Variants in TRIM10 observed in about 807,000 individuals in gnomAD.
The protein encoded by TRIM10 is tripartite motif containing 10, also known as tripartite motif-containing protein 10.
Under a neutral mutation model 40.0 loss-of-function variants are expected in TRIM10, and 42 were observed. The ratio of observed to expected loss-of-function variants is 1.05; its 90% CI spans 0.82 to 1.36. The LOEUF (loss-of-function observed/expected upper bound fraction) is 1.36, where lower values mean the gene tolerates loss of function less well. TRIM10 is among the 40% of genes most tolerant of loss of function. The probability of loss-of-function intolerance (pLI) is 0.00; values close to 1 mark genes in which losing one functional copy is unlikely to be tolerated. For synonymous variants in TRIM10, 260 were observed against 239.5 expected (o/e 1.09, Z -0.79); for missense variants, 601 against 608.3 (o/e 0.99, Z 0.13).
At chr6:30,163,997 T>C, upstream of TRIM10, 1 of 1,613,116 alleles carries the variant, frequency 6.2e-7, no homozygotes, top group Non-Finnish European at 8.5e-7. Context: ...CTGTGTGTTC[T>C]GCAGGGAGGG....
Position 30,156,941 on chromosome 6 carries a change from A to G in TRIM10, c.893T>C (p.Leu298Pro), listed in dbSNP as rs200848452. 3.4e-4 allele frequency: 541 copies of G among 1,613,010 alleles called. 7 individuals are homozygous for G. The Admixed American group carries it at 8.8e-3, about 26-fold the overall frequency. ...LPLQREMKMF[L>P]EKLCFELDYE... ...GTGGAGGCCTGGGGTTCTCTTACCC[A>G]GAAACATCTTCATCTCCCTCTGCAG... is the stretch of plus-strand genomic sequence containing the variant. Residue 298 changes from leucine (L) to proline (P), a missense_variant and splice_region_variant, in exon 5 of 7, where the codon CTG becomes CCG. Physicochemically the swap from Leu to Pro is moderately conservative, Grantham distance 98. Transcript: ENST00000449742.
chr6:30,154,662 A>G, intron 6 of TRIM10, 176 bp from the exon 7 acceptor site: 2 of 786,562 alleles, frequency 2.5e-6, no homozygotes, highest in South Asian at 1.5e-5. Context: ...ATACGCTCTC[A>G]GAATCTGCAT....
In TRIM10 at chr6:30,160,850, A is replaced by G; in HGVS notation, c.9T>C (p.Ser3=). 1 of 1,609,044 alleles carries G rather than the reference A, an allele frequency of 6.2e-7. No homozygotes were observed. MA[S]AASVTSLADE... is the part of the protein sequence containing the mutation. ...CTGCCAGGCTGGTCACAGAGGCAGC[A>G]GAGGCCATGCTGGTCCTGCTGCTAT... Residue 3 remains serine, a synonymous_variant, in exon 1 of 7, where the codon TCT becomes TCC. Transcript: ENST00000449742.
At chr6:30,158,334 GC>G (rs1464010430) in intron 3 of TRIM10, 64 bp downstream of exon 3, 11 of 1,397,094 alleles carry the variant, frequency 7.9e-6, no homozygotes, top group Admixed American at 1.7e-5. Flanking sequence ...CATGGCTTAG[GC>G]AAGACAAAGA....
At chr6:30,158,356 A>T in intron 3 of TRIM10, 43 bp downstream of exon 3, 2 of 1,531,290 alleles carry the variant, frequency 1.3e-6, no homozygotes, top group Non-Finnish European at 1.8e-6. Context: ...TGCAAGAGTC[A>T]CAGGACAGCA....
At chr6:30,154,699 A>C (rs891696194) in intron 6 of TRIM10, 2 of 724,494 alleles carry the variant, frequency 2.8e-6, no homozygotes, top group Non-Finnish European at 4.9e-6. Context: ...GGTGATTTGC[A>C]CACAGGTAAA....
At chr6:30,156,296 A>G (rs1305731032) in intron 5 of TRIM10, among the ~76,000 whole-genome samples, 5 of 152,186 alleles carry the variant, frequency 3.3e-5, no homozygotes, top group African/African-American at 9.7e-5. Context: ...CTAGGGTGAC[A>G]TAACTGTGGG....
chr6:30,163,407 T>A, upstream of TRIM10: 1 of 546,314 alleles, frequency 1.8e-6, no homozygotes, highest in East Asian at 3.1e-5. Context: ...ACTGGCTTAC[T>A]TGGCCGCCAC....
chr6:30,154,455 G>A lies in TRIM10; in HGVS notation c.960C>T (p.His320=), dbSNP rs955438881. The A allele has an allele frequency of 4.3e-6, 7 of 1,612,450 alleles. No homozygotes were observed. In the African/African-American group the frequency reaches 6.7e-5, roughly 15 times the overall value. Residue 320 remains histidine (H), a synonymous_variant, in exon 7 of 7, where the codon CAC becomes CAT. Coordinates refer to ENST00000449742, the MANE Select transcript of TRIM10 (RefSeq NM_006778.4). ...AHISLDPQTS[H]PKLLLSEDHQ... is the part of the protein sequence containing the mutation. ...GGTCCTCGGACAAGAGGAGCTTGGG[G>A]TGGGAAGTCTGAGGGTCTAGAGAAA... is the stretch of plus-strand genomic sequence containing the variant.
intron 1 of TRIM10, 60 bp downstream of exon 1, chr6:30,160,370 C>T (rs922831808): frequency 1.3e-6 from 2 of 1,549,892 alleles, no homozygotes; most frequent in South Asian, 1.2e-5. Context: ...ATCCACAACT[C>T]TGCTGTTTCT....
chr6:30,155,895 G>T, intron 5 of TRIM10, 136 bp from the exon 6 acceptor site: 1 of 750,450 alleles, frequency 1.3e-6, no homozygotes, highest in Non-Finnish European at 2.1e-6. Flanking sequence ...TAGACCAGTG[G>T]TTCCAAGCTT....
intron 5 of TRIM10, 86 bp downstream of exon 5, chr6:30,156,853 A>G: frequency 8.4e-7 from 1 of 1,190,038 alleles, no homozygotes; most frequent in Non-Finnish European, 1.3e-6. Flanking sequence ...CCAAAGTCAC[A>G]CCTTTCAGCA....
In TRIM10 at chr6:30,154,019, G is replaced by C; in HGVS notation, c.1396C>G (p.Pro466Ala). The C allele has an allele frequency of 1.2e-6, 2 of 1,610,660 alleles. No homozygotes were observed. Among genetic ancestry groups the C allele is most frequent in the East Asian group, 4.5e-5 (2 of 44,820 alleles). The change falls in exon 7 of 7, where the codon CCC (proline) becomes GCC (alanine). Residue 466 changes from proline (P) to alanine (A), a missense_variant. Physicochemically the swap from Pro to Ala is conservative, Grantham distance 27. Transcript: ENST00000449742. ...CCTCGGCCCCAGAGCCCAAAGAAGGGAATGACCTTCCTAGTGAAGGAGGCA... is the reference window on the plus strand; with the variant it reads ...CCTCGGCCCCAGAGCCCAAAGAAGGCAATGACCTTCCTAGTGAAGGAGGCA... ...FTASFTRKVI[P>A]FFGLWGRGSS...
At position 30,154,304 on chromosome 6, in the gene TRIM10, T is replaced by C; in HGVS notation, c.1111A>G (p.Ile371Val). Residue 371 changes from isoleucine (I) to valine (V), a missense_variant, in exon 7 of 7, where the codon ATA becomes GTA. By Grantham distance (29) the Ile-to-Val change is conservative (BLOSUM62 3). Coordinates refer to ENST00000449742, the MANE Select transcript of TRIM10 (RefSeq NM_006778.4). ...TGGRHTWVVS[I>V]DLAHGGSCTV... ...CAGCTGCCCCCATGGGCCAGGTCTATACTCACCACCCACGTGTGTCTCCCC... is the reference window on the plus strand; with the variant it reads ...CAGCTGCCCCCATGGGCCAGGTCTACACTCACCACCCACGTGTGTCTCCCC... 6.2e-7 allele frequency: 1 copy of C among 1,613,094 alleles called. No individual in the cohort carries two copies. Among genetic ancestry groups the C allele is most frequent in the Non-Finnish European group, 8.5e-7 (1 of 1,180,020 alleles).
At position 30,153,333 on chromosome 6, in the gene TRIM10, G is replaced by T; in HGVS notation, c.*636C>A. ...TCCCCCACTCACCCTCTCCTTCCAG[G>T]CTGGGCTATGCCCCTTCCCCTGAAC... is the stretch of plus-strand genomic sequence containing the variant. On this transcript the variant is annotated 3_prime_UTR_variant, in exon 7 of 7. Transcript: ENST00000449742. 4.3e-6 allele frequency: 1 copy of T among 233,868 alleles called. No individual in the cohort carries two copies. Among genetic ancestry groups the T allele is most frequent in the Non-Finnish European group, 8.4e-6 (1 of 119,474 alleles). 14.5% of individuals were successfully genotyped at this position (233,868 alleles called of 1,614,324 possible).
intron 2 of TRIM10, among the ~76,000 whole-genome samples, 194 bp downstream of exon 2, chr6:30,158,956 T>C (rs531538659): frequency 5.8e-4 from 88 of 152,334 alleles, no homozygotes; most frequent in African/African-American, 2.0e-3. Context: ...AATGAGGTCA[T>C]GATGATTTTT....
intron 3 of TRIM10, 30 bp downstream of exon 3, chr6:30,158,369 G>A: frequency 6.3e-7 from 1 of 1,579,596 alleles, no homozygotes; most frequent in African/African-American, 1.3e-5. Context: ...GGACAGCACA[G>A]GTGGGGCAGG....
In TRIM10 at chr6:30,151,970, C is replaced by T. The variant is rs983178659; in HGVS notation, c.*1999G>A. The stretch of plus-strand genomic sequence containing the variant: ...TTTTCACTTATGAGCAGTTTTATTT[C>T]TCAGTGTAAGACATATAAATTGTTC... On this transcript the variant is annotated 3_prime_UTR_variant, in exon 7 of 7. Coordinates refer to ENST00000449742, the MANE Select transcript of TRIM10 (RefSeq NM_006778.4). 9 of 152,132 alleles carry T rather than the reference C, an allele frequency of 5.9e-5. No homozygotes were observed. Among genetic ancestry groups the T allele is most frequent in the African/African-American group, 2.2e-4 (9 of 41,406 alleles). The allele number at this position is 152,132 out of a possible 1,614,324, so 9.4% of individuals were successfully genotyped here.
In TRIM10 at chr6:30,154,369, T is replaced by A. The variant is rs548752914; in HGVS notation, c.1046A>T (p.Asp349Val). 1.2e-6 allele frequency: 2 copies of A among 1,613,004 alleles called. No individual in the cohort carries two copies. Among genetic ancestry groups the A allele is most frequent in the Non-Finnish European group, 1.7e-6 (2 of 1,180,008 alleles). Residue 349 changes from aspartate to valine, a missense_variant, in exon 7 of 7, where the codon GAC (aspartate) becomes GTC (valine). By Grantham distance (152) the Asp-to-Val change is radical. Coordinates refer to ENST00000449742, the MANE Select transcript of TRIM10 (RefSeq NM_006778.4). ...QNSPDNPQRF[D>V]RATCVLAHTG... The stretch of plus-strand genomic sequence containing the variant: ...GTGGGCCAGAACACAGGTGGCCCGG[T>A]CAAAACGTTGGGGGTTGTCTGGTGA...
Sources: allele counts gnomAD v4.1 joint callset (sites outside exome capture counted in the v4.1 genomes callset), GRCh38; gene constraint gnomAD v4.1.1; transcripts MANE v1.5; gene names NCBI Gene and HGNC (gene_info 2026-07-23, HGNC 2026-07-21).